Variants in CAMK2G observed in about 807,000 individuals in gnomAD.
CAMK2G encodes the protein calcium/calmodulin-dependent protein kinase type II subunit gamma.
CAMK2G carries 23 observed loss-of-function variants against 88.7 expected under a neutral mutation model. The observed-to-expected ratio is 0.26, with a 90% CI of 0.19 to 0.37. The LOEUF (loss-of-function observed/expected upper bound fraction) is 0.37, where lower values mean the gene tolerates loss of function less well. Ranked by LOEUF, CAMK2G falls within the 10% of genes least tolerant of loss-of-function variation. The pLI is 1.00. For missense variants in CAMK2G, 476 were observed against 780.8 expected, an observed-to-expected ratio of 0.61 and a Z score of 4.65; for synonymous variants, 263 against 294.8, an observed-to-expected ratio of 0.89 and a Z score of 1.11.
At chr10:73,862,934 C>T (rs914520594) in intron 2 of CAMK2G, among the ~76,000 whole-genome samples, 1 of 152,192 alleles carries the variant, frequency 6.6e-6, no homozygotes, top group South Asian at 2.1e-4. Flanking sequence ...GTCCACATTT[C>T]CAGATGATGG....
intron 15 of CAMK2G, among the ~76,000 whole-genome samples, chr10:73,826,914 A>G (rs1057277062): frequency 3.9e-5 from 6 of 152,190 alleles, no homozygotes; most frequent in Admixed American, 1.3e-4. Context: ...CCACTGAACA[A>G]GACTCCACAG....
intron 14 of CAMK2G, among the ~76,000 whole-genome samples, chr10:73,831,396 G>A (rs905624881): frequency 1.3e-5 from 2 of 151,830 alleles, no homozygotes; most frequent in African/African-American, 4.8e-5. Flanking sequence ...AAATTAGCTG[G>A]GTGTGGTGGC....
At chr10:73,822,858 G>A (rs992263711) in intron 17 of CAMK2G, among the ~76,000 whole-genome samples, 3 of 152,014 alleles carry the variant, frequency 2.0e-5, no homozygotes, top group East Asian at 3.9e-4. Flanking sequence ...AGTTTGGTGA[G>A]GTTTTTCTGT....
intron 2 of CAMK2G, among the ~76,000 whole-genome samples, chr10:73,866,274 G>A (rs1330663852): frequency 1.3e-5 from 2 of 152,168 alleles, no homozygotes; most frequent in African/African-American, 2.4e-5. Flanking sequence ...GAAGCAGATA[G>A]GGAGGTGATA....
At chr10:73,816,803 C>T (rs1404705518) in intron 21 of CAMK2G, 22 of 1,515,986 alleles carry the variant, frequency 1.5e-5, no homozygotes, top group Non-Finnish European at 1.8e-5. Context: ...TGCCACAAAG[C>T]AGCTGCAGAA....
chr10:73,833,634 C>T (rs1278827817), intron 14 of CAMK2G, among the ~76,000 whole-genome samples: 2 of 145,444 alleles, frequency 1.4e-5, no homozygotes, highest in Admixed American at 7.0e-5. Flanking sequence ...CTTGCTCTGT[C>T]CCCCAGGCTG....
At chr10:73,835,580 C>G (rs1254219315) in intron 14 of CAMK2G, among the ~76,000 whole-genome samples, 4 of 151,816 alleles carry the variant, frequency 2.6e-5, no homozygotes, top group Non-Finnish European at 5.9e-5. Flanking sequence ...AGTGAAGCCA[C>G]CGCACCCGGC....
rs762122470 is a variant in CAMK2G, at chr10:73,817,096, G to C, written c.1461C>G (p.Leu487=). 6.2e-7 allele frequency: 1 copy of C among 1,613,038 alleles called. No individual in the cohort carries two copies. The highest frequency in any genetic ancestry group is 1.1e-5 in the South Asian group (1 of 90,992). ...EAYTKICDPG[L]TSFEPEALGN... ...CAAGGGCCTCAGGCTCAAAGGAAGT[G>C]AGGCCTGGATCACAAATCTTCCTAC... Residue 487 remains leucine, a synonymous_variant, in exon 21 of 23, where the codon CTC becomes CTG. Coordinates refer to ENST00000423381, the MANE Select transcript of CAMK2G (RefSeq NM_001367534.1).
chr10:73,848,387 A>C lies in CAMK2G; in HGVS notation c.601+139T>G. 1.4e-6 allele frequency: 1 copy of C among 695,478 alleles called. No homozygotes were observed. The highest frequency in any genetic ancestry group is 2.1e-5 in the Admixed American group (1 of 47,354). 43.1% of individuals were successfully genotyped at this position (695,478 alleles called of 1,614,324 possible). A position where few individuals can be genotyped will look rare whatever the true frequency, so the allele number is the denominator to read the frequency against. ...GGAGGAGGGTGTGATGGGAACAGCC[A>C]TCCCAGGGGCAAACACCATAATTTC... On this transcript the variant is annotated intron_variant, in intron 8 of 22. Transcript: ENST00000423381. The surrounding 1 kb of genome is among the most constrained non-coding windows in gnomAD (Gnocchi z 4.5).
intron 2 of CAMK2G, among the ~76,000 whole-genome samples, chr10:73,866,130 G>A (rs916360428): frequency 2.0e-5 from 3 of 152,120 alleles, no homozygotes; most frequent in Non-Finnish European, 4.4e-5. Context: ...GCCAGGCCCT[G>A]GGAAACAAGG....
chr10:73,866,476 C>G (rs932234097), intron 2 of CAMK2G, among the ~76,000 whole-genome samples: 2 of 151,746 alleles, frequency 1.3e-5, no homozygotes, highest in Non-Finnish European at 2.9e-5. Flanking sequence ...AAAAAAAAAA[C>G]ACAAATGCCA....
intron 16 of CAMK2G, among the ~76,000 whole-genome samples, chr10:73,825,002 T>C (rs1255997246): frequency 2.0e-5 from 3 of 152,236 alleles, no homozygotes; most frequent in African/African-American, 7.2e-5. Context: ...GGTCCTGGGC[T>C]GGGCCTGGGA....
intron 10 of CAMK2G, among the ~76,000 whole-genome samples, chr10:73,845,903 TC>T (rs376659823): frequency 6.7e-6 from 1 of 149,964 alleles, no homozygotes; most frequent in African/African-American, 2.5e-5. Context: ...TCAATTCCCT[TC>T]TTTTTTTTTT....
intron 17 of CAMK2G, 53 bp from the exon 18 acceptor site, chr10:73,821,783 G>A: frequency 6.9e-7 from 1 of 1,451,328 alleles, no homozygotes; most frequent in African/African-American, 1.4e-5. Context: ...GGAAGCCAGA[G>A]GAGCAAAGCA....
At chr10:73,873,475 G>C in intron 1 of CAMK2G, 1 of 1,044,096 alleles carries the variant, frequency 9.6e-7, no homozygotes, top group Non-Finnish European at 1.2e-6. Context: ...CTCTCAGCAG[G>C]AACAGTTGAA....
Position 73,847,225 on chromosome 10 carries a change from A to G in CAMK2G, c.819T>C (p.Cys273=). 6.2e-7 allele frequency: 1 copy of G among 1,614,126 alleles called. No individual in the cohort carries two copies. The highest frequency in any genetic ancestry group is 8.5e-7 in the Non-Finnish European group (1 of 1,179,994). ...CTTGGCCACTAGCAAAGACACTTAC[A>G]CAGACCCACGGGTGCTTGAGAGCCT... ...ADQALKHPWV[C]QRSTVASMMH... The change falls in exon 10 of 23, where the codon TGT becomes TGC. Residue 273 remains cysteine (C), a splice_region_variant and synonymous_variant. Transcript: ENST00000423381.
At position 73,848,379 on chromosome 10, in the gene CAMK2G, G is replaced by C. The variant is rs2094398132; in HGVS notation, c.601+147C>G. 1.5e-6 allele frequency: 1 copy of C among 685,196 alleles called. No individual in the cohort carries two copies. The allele number at this position is 685,196 out of a possible 1,614,324, so 42.4% of individuals were successfully genotyped here. The stretch of plus-strand genomic sequence containing the variant: ...GTACGCAGGGAGGAGGGTGTGATGG[G>C]AACAGCCATCCCAGGGGCAAACACC... On this transcript the variant is annotated intron_variant, in intron 8 of 22. Transcript: ENST00000423381. This position sits in a 1 kb window ranked among gnomAD's most constrained non-coding sequence, Gnocchi z 4.5.
At chr10:73,815,840 A>G (rs2085275052) in intron 21 of CAMK2G, 2 of 985,616 alleles carry the variant, frequency 2.0e-6, no homozygotes, top group African/African-American at 1.7e-5. Flanking sequence ...AAAAGGCAAA[A>G]GAAGTTGGAT....
chr10:73,851,013 C>T (rs1172063123), intron 5 of CAMK2G, among the ~76,000 whole-genome samples: 3 of 152,224 alleles, frequency 2.0e-5, no homozygotes, highest in Non-Finnish European at 4.4e-5. Flanking sequence ...TCTCCCTCCT[C>T]CCCGCAGGCT....
Sources: allele counts gnomAD v4.1 joint callset (sites outside exome capture counted in the v4.1 genomes callset), GRCh38; gene constraint gnomAD v4.1.1; non-coding constraint Gnocchi (gnomAD v3.1); transcripts MANE v1.5; gene names NCBI Gene and HGNC (gene_info 2026-07-23, HGNC 2026-07-21).